The following PTPRE variants were observed in gnomAD, a reference collection of about 807,000 sequenced individuals.
PTPRE encodes receptor-type tyrosine-protein phosphatase epsilon.
A neutral mutation model predicts 102.0 loss-of-function variants in PTPRE; 51 were observed. The ratio of observed to expected loss-of-function variants is 0.50; its 90% confidence interval spans 0.40 to 0.63. The LOEUF (loss-of-function observed/expected upper bound fraction) is 0.63. Ranked by LOEUF, PTPRE falls within the 30% of genes least tolerant of loss-of-function variation. The pLI is 0.00. For synonymous variants in PTPRE, 345 were observed against 348.2 expected, an observed-to-expected ratio of 0.99 and a Z score of 0.10; for missense variants, 752 against 915.1, an observed-to-expected ratio of 0.82 and a Z score of 2.30.
At chr10:128,066,007 G>C in intron 10 of PTPRE, 68 bp from the exon 11 acceptor site, 5 of 1,609,846 alleles carry the variant, frequency 3.1e-6, no homozygotes, top group Non-Finnish European at 4.3e-6. Context: ...TTCTGTAGTT[G>C]GGTGGGGGGA....
chr10:128,081,070 ACT>A (rs776305255), intron 20 of PTPRE, among the ~76,000 whole-genome samples: 8 of 152,006 alleles, frequency 5.3e-5, no homozygotes, highest in Non-Finnish European at 7.4e-5. Context: ...TGAGATTCAA[ACT>A]CTATCTGATT....
chr10:128,071,335 G>A (rs1176706997), intron 15 of PTPRE: 2 of 197,658 alleles, frequency 1.0e-5, no homozygotes, highest in Non-Finnish European at 2.1e-5. Context: ...GAACTCAGCT[G>A]AGACCACCTA....
chr10:127,997,596 T>G (rs1032377832), intron 2 of PTPRE, among the ~76,000 whole-genome samples: 1 of 152,220 alleles, frequency 6.6e-6, no homozygotes, highest in Non-Finnish European at 1.5e-5. Context: ...TATAAGTACA[T>G]GTACATGTAT....
intron 7 of PTPRE, 25 bp downstream of exon 7, chr10:128,056,238 A>C: frequency 6.4e-7 from 1 of 1,566,294 alleles, no homozygotes; most frequent in Non-Finnish European, 8.8e-7. Flanking sequence ...TATGTTTTGC[A>C]TGATCAATGG....
intron 2 of PTPRE, among the ~76,000 whole-genome samples, chr10:127,991,900 C>G (rs1427810869): frequency 6.6e-6 from 1 of 152,216 alleles, no homozygotes. Context: ...AAACTGTTCC[C>G]TCTCCTGGGC....
rs764161079 is a variant in PTPRE at position 128,047,476 on chromosome 10, G to T, written c.196G>T (p.Ala66Ser). The T allele has an allele frequency of 6.2e-7, 1 of 1,613,216 alleles. No homozygotes were observed. Among genetic ancestry groups the T allele is most frequent in the Non-Finnish European group, 8.5e-7 (1 of 1,180,010 alleles). Reference sequence around the variant, plus strand: ...CCTCCTCCTCGTGCTCCTTCTCGCCGCCTACTTCTTCAGGTAGGAGTGTCC... The same window carrying T: ...CCTCCTCCTCGTGCTCCTTCTCGCCTCCTACTTCTTCAGGTAGGAGTGTCC... ...LLLLLVLLLA[A>S]YFFRFRKQRK... The change falls in exon 4 of 21, where the codon GCC becomes TCC. Residue 66 changes from alanine to serine, a missense_variant. Around this residue, in one of 2 missense-constraint regions of PTPRE, gnomAD observed 116 missense variants for 90.8 expected, o/e 1.28. Transcript: ENST00000254667.
Position 128,008,259 on chromosome 10 carries a change from C to T in PTPRE, c.-8+25963C>T, listed in dbSNP as rs1035513612. Among the ~76,000 whole-genome samples, 1 of 146,818 alleles carries T rather than the reference C, an allele frequency of 6.8e-6. No individual in the cohort carries two copies. The highest frequency in any genetic ancestry group is 1.5e-5 in the Non-Finnish European group (1 of 66,386). On this transcript the variant is annotated intron_variant, in intron 2 of 20. Transcript: ENST00000254667. This position sits in a 1 kb window ranked among gnomAD's most constrained non-coding sequence, Gnocchi z 4.0. ...TCCCTTTCACCCTCCCTCCCTCTCT[C>T]CCTCATTCCCTCCCTCCCTCCCTCC...
Position 128,066,135 on chromosome 10 carries a change from T to G in PTPRE, c.784T>G (p.Cys262Gly). 6.2e-7 allele frequency: 1 copy of G among 1,614,226 alleles called. No homozygotes were observed. The highest frequency in any genetic ancestry group is 2.2e-5 in the East Asian group (1 of 44,880). Residue 262 changes from cysteine to glycine, a missense_variant, in exon 11 of 21, where the codon TGC becomes GGC. Transcript: ENST00000254667. ...CTGGACCTATGGAAACATCCGGGTG[T>G]GCGTGGAGGACTGCGTGGTTTTGGT... Reference protein sequence around the residue: ...GCWTYGNIRVCVEDCVVLVDY... With the variant: ...GCWTYGNIRVGVEDCVVLVDY...
chr10:127,986,547 G>A (rs575183183), intron 2 of PTPRE, among the ~76,000 whole-genome samples: 1 of 152,330 alleles, frequency 6.6e-6, no homozygotes, highest in East Asian at 1.9e-4. Context: ...TTCAGCAACT[G>A]TGAGTTTCAA....
At chr10:128,062,761 C>T (rs970072144) in intron 9 of PTPRE, among the ~76,000 whole-genome samples, 5 of 152,240 alleles carry the variant, frequency 3.3e-5, no homozygotes, top group African/African-American at 9.6e-5. Flanking sequence ...CTCTGCCTCT[C>T]GCAAGGCTTT....
chr10:128,068,342 C>A lies in PTPRE; in HGVS notation c.1007+56C>A. 6 of 1,548,760 alleles carry A rather than the reference C, an allele frequency of 3.9e-6. 1 individual carries two copies. In the South Asian group the frequency reaches 7.1e-5, roughly 18 times the overall value. ...TCAAGGGCAGGCCACAGTGGGATGACTCATCCTCATGGGCAATGCCAGGGG... is the reference window on the plus strand; with the variant it reads ...TCAAGGGCAGGCCACAGTGGGATGAATCATCCTCATGGGCAATGCCAGGGG... On this transcript the variant is annotated intron_variant, in intron 12 of 20. Coordinates refer to ENST00000254667, the MANE Select transcript of PTPRE (RefSeq NM_006504.6).
At chr10:127,964,867 G>T (rs1850119169) in intron 1 of PTPRE, 1 of 373,324 alleles carries the variant, frequency 2.7e-6, no homozygotes. Flanking sequence ...CAGAAGCCGA[G>T]CTCATCAGCG....
intron 1 of PTPRE, among the ~76,000 whole-genome samples, chr10:127,956,416 C>T (rs939956177): frequency 1.3e-5 from 2 of 152,156 alleles, no homozygotes; most frequent in African/African-American, 4.8e-5. Flanking sequence ...TAATAAATCC[C>T]CTCTCATATG....
At chr10:127,967,449 T>C (rs1850345009) in intron 1 of PTPRE, among the ~76,000 whole-genome samples, 1 of 152,108 alleles carries the variant, frequency 6.6e-6, no homozygotes, top group African/African-American at 2.4e-5. Context: ...ATCTGATGGT[T>C]TTATAAAGGG....
At chr10:128,082,754 G>A (rs1319036666) in intron 20 of PTPRE, 78 bp from the exon 21 acceptor site, 2 of 1,459,302 alleles carry the variant, frequency 1.4e-6, no homozygotes, top group African/African-American at 2.9e-5. Flanking sequence ...TTTATGTCTT[G>A]TTTTTGAGTA....
intron 1 of PTPRE, among the ~76,000 whole-genome samples, chr10:127,946,773 T>C (rs7910406): frequency 0.25 from 38,000 of 152,034 alleles, 5,137 homozygotes; most frequent in East Asian, 0.42. Context: ...GCAGCTCGTG[T>C]CTGTAATCCC....
intron 2 of PTPRE, among the ~76,000 whole-genome samples, chr10:128,032,263 G>A (rs190037383): frequency 6.6e-6 from 1 of 152,280 alleles, no homozygotes; most frequent in African/African-American, 2.4e-5. Flanking sequence ...TGATCCACCT[G>A]CCTTGGCCTC....
At chr10:127,941,756 C>T (rs1848260523) in intron 1 of PTPRE, among the ~76,000 whole-genome samples, 1 of 152,056 alleles carries the variant, frequency 6.6e-6, no homozygotes. Context: ...AATACAACTC[C>T]CACCCCCTCC....
chr10:127,978,506 A>G (rs1444528109), intron 1 of PTPRE, among the ~76,000 whole-genome samples: 1 of 152,152 alleles, frequency 6.6e-6, no homozygotes, highest in Non-Finnish European at 1.5e-5. Flanking sequence ...GTGCCACTGA[A>G]CTTCAGCCTG....
Sources: allele counts gnomAD v4.1 joint callset (sites outside exome capture counted in the v4.1 genomes callset), GRCh38; gene constraint gnomAD v4.1.1; regional missense constraint gnomAD v4.1.1; non-coding constraint Gnocchi (gnomAD v3.1); transcripts MANE v1.5; gene names NCBI Gene and HGNC (gene_info 2026-07-23, HGNC 2026-07-21).